Variants in STK10 observed in about 807,000 individuals in gnomAD.
The protein encoded by STK10 is serine/threonine kinase 10, also known as serine/threonine-protein kinase 10.
A neutral mutation model predicts 113.8 loss-of-function variants in STK10; 78 were observed. The observed-to-expected ratio is 0.69, with a 90% confidence interval of 0.57 to 0.83. The LOEUF is 0.83. Ranked by LOEUF, STK10 falls within the 40% of genes least tolerant of loss-of-function variation. The pLI is 0.00. For missense variants in STK10, 1,109 were observed against 1,280.1 expected (o/e 0.87, Z 2.04); for synonymous variants, 465 against 494.7 (o/e 0.94, Z 0.80).
At chr5:172,139,235 A>T (rs1051684019) in intron 2 of STK10, among the ~76,000 whole-genome samples, 1 of 152,198 alleles carries the variant, frequency 6.6e-6, no homozygotes, top group Non-Finnish European at 1.5e-5. Context: ...TAGCCAAAAC[A>T]ATTTTGAAAA....
rs373837561 is a variant in STK10 at position 172,187,344 on chromosome 5, A to G, written c.156+543T>C. On this transcript the variant is annotated intron_variant, in intron 1 of 18. Transcript: ENST00000176763. This position sits in a 1 kb window ranked among gnomAD's most constrained non-coding sequence, Gnocchi z 4.6. ...GCCCCAACCCACCTTTCCAAGCCCCACCTCTCAGTCCATGGGCCACCCCTC... is the reference window on the plus strand; with the variant it reads ...GCCCCAACCCACCTTTCCAAGCCCCGCCTCTCAGTCCATGGGCCACCCCTC... 6.2e-4 allele frequency among the ~76,000 whole-genome samples: 85 copies of G among 136,876 alleles called. No homozygotes were observed. Among genetic ancestry groups the G allele is most frequent in the African/African-American group, 2.2e-3 (81 of 36,072 alleles). The allele number at this position is 136,876 out of a possible 152,430, so 89.8% of individuals were successfully genotyped here.
chr5:172,159,291 G>C (rs1770416860), intron 1 of STK10, among the ~76,000 whole-genome samples: 1 of 152,188 alleles, frequency 6.6e-6, no homozygotes, highest in Non-Finnish European at 1.5e-5. Context: ...TACAATCCCA[G>C]CATTTGGGAA....
At chr5:172,182,911 A>G (rs1286936931) in intron 1 of STK10, among the ~76,000 whole-genome samples, 1 of 152,008 alleles carries the variant, frequency 6.6e-6, no homozygotes, top group African/African-American at 2.4e-5. Flanking sequence ...TGGCAAAGCA[A>G]TTTTTAAGAA....
At chr5:172,061,323 T>C (rs1204818545) in intron 13 of STK10, 55 bp from the exon 14 acceptor site, 10 of 1,543,464 alleles carry the variant, frequency 6.5e-6, no homozygotes, top group Non-Finnish European at 8.7e-6. Context: ...GGCACCTCCA[T>C]GTCTCTTCCT....
At chr5:172,099,273 G>C (rs1581155310) in intron 7 of STK10, among the ~76,000 whole-genome samples, 1 of 152,184 alleles carries the variant, frequency 6.6e-6, no homozygotes, top group East Asian at 1.9e-4. Flanking sequence ...CGGCACAGTG[G>C]CTCACATCTG....
At chr5:172,088,521 C>G (rs887729811) in intron 10 of STK10, among the ~76,000 whole-genome samples, 3 of 152,002 alleles carry the variant, frequency 2.0e-5, no homozygotes, top group Admixed American at 6.6e-5. Context: ...GAGACTCCAT[C>G]TCAAAAAATA....
chr5:172,083,825 T>C (rs1018255489), intron 10 of STK10, among the ~76,000 whole-genome samples: 2 of 151,664 alleles, frequency 1.3e-5, no homozygotes, highest in Non-Finnish European at 2.9e-5. Context: ...GGAGAATCGC[T>C]TGAACCTGGG....
intron 1 of STK10, among the ~76,000 whole-genome samples, chr5:172,157,414 A>C (rs141306189): frequency 6.6e-6 from 1 of 152,148 alleles, no homozygotes; most frequent in African/African-American, 2.4e-5. Context: ...AAAATTAGCC[A>C]GTGTGGTGGC....
rs565427724 is a variant in STK10, at chr5:172,113,387, A to C, written c.520+4094T>G. Reference sequence around the variant, plus strand: ...CATGAACAAGCACACTCATCACTGCATGATTTCGTAAAGATGATAAACCTC... The same window carrying C: ...CATGAACAAGCACACTCATCACTGCCTGATTTCGTAAAGATGATAAACCTC... On this transcript the variant is annotated intron_variant, in intron 4 of 18. Coordinates refer to ENST00000176763, the MANE Select transcript of STK10 (RefSeq NM_005990.4). Among the ~76,000 whole-genome samples, 14 of 152,358 alleles carry C rather than the reference A, an allele frequency of 9.2e-5. 1 individual carries two copies. In the South Asian group the frequency reaches 2.1e-3, roughly 23 times the overall value.
intron 6 of STK10, 152 bp downstream of exon 6, chr5:172,106,468 C>G (rs995421975): frequency 4.6e-6 from 3 of 645,922 alleles, no homozygotes; most frequent in Non-Finnish European, 4.7e-6. Flanking sequence ...GGCTCAGAAA[C>G]GCCTGAAGAC....
In STK10 at chr5:172,083,019, C is replaced by G; in HGVS notation, c.1751G>C (p.Ser584Thr). The change falls in exon 11 of 19, where the codon AGT becomes ACT. Residue 584 changes from serine to threonine, a missense_variant. By Grantham distance (58) the Ser-to-Thr change is moderately conservative. Transcript: ENST00000176763. ...CTCCAGCTGCAGCTCATGCTTGTTA[C>G]TCAGCTGGGTCTGGTTCCGATGCTC... is the stretch of plus-strand genomic sequence containing the variant. ...KEEHRNQTQL[S>T]NKHELQLEQM... 1 of 1,614,138 alleles carries G rather than the reference C, an allele frequency of 6.2e-7. No homozygotes were observed. The highest frequency in any genetic ancestry group is 8.5e-7 in the Non-Finnish European group (1 of 1,180,034).
chr5:172,174,508 C>T (rs1414091583), intron 1 of STK10, among the ~76,000 whole-genome samples: 1 of 152,116 alleles, frequency 6.6e-6, no homozygotes, highest in Non-Finnish European at 1.5e-5. Context: ...CATCTACCCT[C>T]CGCGGGCCCT....
chr5:172,166,567 T>C (rs972543480), intron 1 of STK10, among the ~76,000 whole-genome samples: 2 of 152,196 alleles, frequency 1.3e-5, no homozygotes, highest in African/African-American at 4.8e-5. Flanking sequence ...TTTGGAGACC[T>C]ACATGGAAAA....
chr5:172,096,706 C>G, intron 7 of STK10, 146 bp from the exon 8 acceptor site: 1 of 1,094,548 alleles, frequency 9.1e-7, no homozygotes, highest in Non-Finnish European at 1.3e-6. Context: ...CCAGAGACAG[C>G]CTGGAAAGTC....
intron 9 of STK10, chr5:172,092,616 C>T (rs1239357941): frequency 3.3e-5 from 5 of 152,004 alleles, no homozygotes; most frequent in Non-Finnish European, 5.9e-5. Flanking sequence ...CAAATATGTT[C>T]GAGTCTCTAC....
At chr5:172,115,555 T>C (rs1436557468) in intron 4 of STK10, among the ~76,000 whole-genome samples, 12 of 152,194 alleles carry the variant, frequency 7.9e-5, no homozygotes, top group African/African-American at 2.9e-4. Flanking sequence ...TTTGGCTCCA[T>C]GATGTACACA....
At chr5:172,046,189 A>G (rs541756602) in intron 18 of STK10, among the ~76,000 whole-genome samples, 8 of 151,446 alleles carry the variant, frequency 5.3e-5, no homozygotes, top group African/African-American at 1.9e-4. Flanking sequence ...GCGAAACCCC[A>G]TCTCTACTAA....
intron 1 of STK10, among the ~76,000 whole-genome samples, chr5:172,167,034 C>T (rs1203563797): frequency 3.3e-5 from 5 of 152,004 alleles, no homozygotes; most frequent in African/African-American, 1.2e-4. Flanking sequence ...ATGGCGCGCA[C>T]CTGTAGTCCC....
intron 15 of STK10, chr5:172,056,957 A>ATG (rs879609749): frequency 1.3e-5 from 1 of 75,722 alleles, no homozygotes; most frequent in Non-Finnish European, 2.6e-5. Context: ...GAAAGAAGGA[A>ATG]AGAAAGAAAG....
Sources: allele counts gnomAD v4.1 joint callset (sites outside exome capture counted in the v4.1 genomes callset), GRCh38; gene constraint gnomAD v4.1.1; non-coding constraint Gnocchi (gnomAD v3.1); transcripts MANE v1.5; gene names NCBI Gene and HGNC (gene_info 2026-07-23, HGNC 2026-07-21).